The following DMD variants were observed in gnomAD, a reference collection of about 807,000 sequenced individuals.
DMD encodes dystrophin.
Under a neutral mutation model 330.1 loss-of-function variants are expected in DMD, and 63 were observed. The ratio of observed to expected loss-of-function variants is 0.19; its 90% CI spans 0.16 to 0.24. The LOEUF is 0.24. Among genes scored for constraint, DMD ranks in the 10% least tolerant of loss-of-function variants. The pLI is 1.00. For missense variants in DMD, 3,344 were observed against 2,684.1 expected, an observed-to-expected ratio of 1.25 and a Z score of -5.43; for synonymous variants, 1,223 against 959.8, an observed-to-expected ratio of 1.27 and a Z score of -5.07.
chrX:31,958,666 G>A (rs1192459169), intron 45 of DMD, among the ~76,000 whole-genome samples: 1 of 111,404 alleles, frequency 9.0e-6, no homozygotes, highest in East Asian at 2.8e-4. Flanking sequence ...TGGGAATTCT[G>A]GTTTGTTTAC....
intron 55 of DMD, among the ~76,000 whole-genome samples, chrX:31,581,326 A>C (rs1225827387): frequency 2.7e-5 from 3 of 112,361 alleles, no homozygotes; most frequent in Admixed American, 9.5e-5. Flanking sequence ...ATTTAATGTC[A>C]AATACACTTT....
At chrX:32,184,149 T>C (rs1234227179) in intron 44 of DMD, among the ~76,000 whole-genome samples, 1 of 93,195 alleles carries the variant, frequency 1.1e-5, no homozygotes, top group Non-Finnish European at 2.2e-5. Context: ...TCTTAAACAG[T>C]ATGTATACAC....
At chrX:31,894,723 T>C (rs1188690124) in intron 47 of DMD, among the ~76,000 whole-genome samples, 3 of 112,035 alleles carry the variant, frequency 2.7e-5, no homozygotes, top group Non-Finnish European at 1.9e-5. Flanking sequence ...TAGACAGACA[T>C]TTTAATTTCT....
chrX:31,838,071 GA>G (rs1403161507), intron 48 of DMD, among the ~76,000 whole-genome samples: 2 of 111,716 alleles, frequency 1.8e-5, no homozygotes, highest in African/African-American at 6.5e-5. Flanking sequence ...ATTGTTCCCT[GA>G]AAATGCAGCA....
intron 1 of DMD, among the ~76,000 whole-genome samples, chrX:33,195,462 C>T (rs1471523642): frequency 9.0e-6 from 1 of 111,526 alleles, no homozygotes; most frequent in East Asian, 2.8e-4. Flanking sequence ...CACCACTTTG[C>T]ATCAATTTGG....
At chrX:31,848,874 T>C (rs1376888211) in intron 48 of DMD, among the ~76,000 whole-genome samples, 2 of 109,161 alleles carry the variant, frequency 1.8e-5, no homozygotes, top group Non-Finnish European at 3.8e-5. Context: ...AGATTAGTGA[T>C]GAAAAGAGGT....
intron 52 of DMD, among the ~76,000 whole-genome samples, chrX:31,720,729 T>G (rs1181668989): frequency 2.7e-5 from 3 of 111,637 alleles, no homozygotes; most frequent in African/African-American, 9.7e-5. Flanking sequence ...TCTTTCCCCT[T>G]AAAAAGAAAC....
At chrX:31,696,392 T>C (rs2083453508) in intron 52 of DMD, among the ~76,000 whole-genome samples, 1 of 112,143 alleles carries the variant, frequency 8.9e-6, no homozygotes, top group Non-Finnish European at 1.9e-5. Flanking sequence ...GACAAGTAGA[T>C]ATGACTGTTC....
chrX:31,727,745 G>C (rs944641697), intron 52 of DMD, among the ~76,000 whole-genome samples: 3 of 112,025 alleles, frequency 2.7e-5, no homozygotes, highest in African/African-American at 9.7e-5. Context: ...TAATACATTA[G>C]CATACATCCA....
chrX:31,816,794 T>TCACACACACACA lies in DMD; in HGVS notation c.7309+3169_7309+3180dup, dbSNP rs759346277. Among the ~76,000 whole-genome samples, 298 of 85,347 alleles carry TCACACACACACA rather than the reference T, an allele frequency of 3.5e-3. 4 individuals are homozygous for TCACACACACACA. Among genetic ancestry groups the TCACACACACACA allele is most frequent in the African/African-American group, 0.011 (240 of 22,139 alleles). 74.1% of individuals were successfully genotyped at this position (85,347 alleles called of 115,157 possible). On this transcript the variant is annotated intron_variant, in intron 50 of 78. Coordinates refer to ENST00000357033, the MANE Select transcript of DMD (RefSeq NM_004006.3). Reference sequence around the variant, plus strand: ...GCCTGGGCAACAGAGCAAGATTCTGTCACACACACACACACACACACACAC... The same window carrying TCACACACACACA: ...GCCTGGGCAACAGAGCAAGATTCTGTCACACACACACACACACACACACACACACACACACAC...
intron 44 of DMD, among the ~76,000 whole-genome samples, chrX:32,129,338 G>T (rs1299968372): frequency 9.0e-6 from 1 of 111,086 alleles, no homozygotes; most frequent in Non-Finnish European, 1.9e-5. Context: ...TTTATGATGA[G>T]AAAACAACAC....
At chrX:32,673,668 G>C (rs1269490365) in intron 9 of DMD, among the ~76,000 whole-genome samples, 2 of 111,813 alleles carry the variant, frequency 1.8e-5, no homozygotes, top group African/African-American at 6.5e-5. Context: ...TTGTGACAAA[G>C]TAGACGATCC....
At chrX:31,166,792 TAGA>T (rs771977996) in intron 74 of DMD, among the ~76,000 whole-genome samples, 359 of 111,572 alleles carry the variant, frequency 3.2e-3, no homozygotes, top group African/African-American at 0.011. Flanking sequence ...TGGAATTTGG[TAGA>T]AGGTCAAATA....
intron 6 of DMD, among the ~76,000 whole-genome samples, chrX:32,815,536 CATATATAT>C (rs1180872402): frequency 4.7e-4 from 46 of 97,057 alleles, no homozygotes; most frequent in Admixed American, 5.6e-4. Flanking sequence ...CACACACACA[CATATATAT>C]ACATATATAG....
intron 34 of DMD, among the ~76,000 whole-genome samples, chrX:32,376,832 T>C (rs933683337): frequency 9.0e-6 from 1 of 111,087 alleles, no homozygotes; most frequent in Non-Finnish European, 1.9e-5. Context: ...CCAGACCAGA[T>C]TGCTTTTGAT....
rs2097753638 is a variant in DMD, at chrX:32,343,301, G to A, written c.5587-15C>T. On this transcript the variant is annotated splice_polypyrimidine_tract_variant and intron_variant, in intron 39 of 78. Transcript: ENST00000357033. Reference sequence around the variant, plus strand: ...GACCTCAAATCCTGTTCATGGTGCAGACATTATTAAAATATCAATATATAT... The same window carrying A: ...GACCTCAAATCCTGTTCATGGTGCAAACATTATTAAAATATCAATATATAT... The A allele has an allele frequency of 8.4e-7, 1 of 1,189,352 alleles. No individual in the cohort carries two copies. The highest frequency in any genetic ancestry group is 1.8e-5 in the African/African-American group (1 of 56,490).
In DMD at chrX:32,153,061, G is replaced by A. The variant is rs1392594220; in HGVS notation, c.6438+63855C>T. ...CTCTCAGGTTGTTCTTATCAGATGA[G>A]TTTGTAGTTGTATTATGAAGAAACA... On this transcript the variant is annotated intron_variant, in intron 44 of 78. Transcript: ENST00000357033. Among the ~76,000 whole-genome samples, 3 of 111,902 alleles carry A rather than the reference G, an allele frequency of 2.7e-5. No individual in the cohort carries two copies. The East Asian group carries it at 8.4e-4, about 31-fold the overall frequency.
chrX:31,511,934 GT>G (rs1270150252), intron 55 of DMD, among the ~76,000 whole-genome samples: 1 of 107,828 alleles, frequency 9.3e-6, no homozygotes, highest in East Asian at 2.9e-4. Flanking sequence ...GGTTGAACTA[GT>G]TTACAGTCCC....
chrX:31,723,540 T>C (rs2085744122), intron 52 of DMD, among the ~76,000 whole-genome samples: 1 of 108,885 alleles, frequency 9.2e-6, no homozygotes, highest in Admixed American at 1.0e-4. Flanking sequence ...TTCTTTCTTT[T>C]TACTCCATGG....
Sources: allele counts gnomAD v4.1 joint callset (sites outside exome capture counted in the v4.1 genomes callset), GRCh38; gene constraint gnomAD v4.1.1; transcripts MANE v1.5; gene names NCBI Gene and HGNC (gene_info 2026-07-23, HGNC 2026-07-21).